ZNF236: variants seen among roughly 807,000 people sequenced by gnomAD.
ZNF236 encodes zinc finger protein 236, also known as regulated by glucose.
Under a neutral mutation model 191.2 loss-of-function variants are expected in ZNF236, and 50 were observed. That is an observed-to-expected ratio of 0.26 (90% CI 0.21 to 0.33). ZNF236 has a LOEUF of 0.33. Ranked by LOEUF, ZNF236 falls within the 10% of genes least tolerant of loss-of-function variation. The pLI is 1.00. For missense variants in ZNF236, 1,754 were observed against 2,374.5 expected (o/e 0.74, Z 5.43); for synonymous variants, 907 against 928.8 (o/e 0.98, Z 0.43).
intron 2 of ZNF236, among the ~76,000 whole-genome samples, chr18:76,851,217 A>ACGTTCAACACAAACCCATGT (rs1196977203): frequency 5.3e-5 from 8 of 150,766 alleles, no homozygotes; most frequent in Non-Finnish European, 1.0e-4. Context: ...GCATACTTAG[A>ACGTTCAACACAAACCCATGT]CGTTCAACAC....
chr18:76,846,332 AT>A (rs1178032115), intron 1 of ZNF236, among the ~76,000 whole-genome samples: 1 of 152,234 alleles, frequency 6.6e-6, no homozygotes, highest in Non-Finnish European at 1.5e-5. Context: ...TGAAGGCATG[AT>A]GGACCAAAGG....
At chr18:76,847,303 G>A (rs1350407203) in intron 1 of ZNF236, among the ~76,000 whole-genome samples, 1 of 152,000 alleles carries the variant, frequency 6.6e-6, no homozygotes, top group South Asian at 2.1e-4. Flanking sequence ...CAGCCTTTAG[G>A]TTAAAACACT....
intron 25 of ZNF236, among the ~76,000 whole-genome samples, chr18:76,930,387 G>A (rs1967814384): frequency 6.6e-6 from 1 of 152,174 alleles, no homozygotes; most frequent in African/African-American, 2.4e-5. Flanking sequence ...AATGTTTAAA[G>A]TATCTTGTCT....
chr18:76,862,259 G>A (rs1976261085), intron 3 of ZNF236, among the ~76,000 whole-genome samples: 1 of 152,200 alleles, frequency 6.6e-6, no homozygotes, highest in African/African-American at 2.4e-5. Context: ...TCCAAGAAAA[G>A]CTGGTTTCCC....
intron 11 of ZNF236, among the ~76,000 whole-genome samples, chr18:76,903,469 A>T (rs8091823): frequency 6.6e-6 from 1 of 152,008 alleles, no homozygotes; most frequent in Non-Finnish European, 1.5e-5. Flanking sequence ...CCGGAAAAAC[A>T]GAGTGTGTTC....
chr18:76,869,902 G>A (rs1182944509), intron 4 of ZNF236, among the ~76,000 whole-genome samples: 1 of 152,214 alleles, frequency 6.6e-6, no homozygotes, highest in Non-Finnish European at 1.5e-5. Context: ...GTTGCAGTGA[G>A]CCGAGATCGT....
intron 20 of ZNF236, among the ~76,000 whole-genome samples, chr18:76,922,152 G>C (rs1474105999): frequency 6.6e-6 from 1 of 152,056 alleles, no homozygotes; most frequent in Non-Finnish European, 1.5e-5. Context: ...TGTTGCATGG[G>C]GATACCAAAT....
Position 76,968,447 on chromosome 18 carries a change from T to C in ZNF236, c.*108T>C. 1 of 1,503,040 alleles carries C rather than the reference T, an allele frequency of 6.7e-7. No individual in the cohort carries two copies. 93.1% of individuals were successfully genotyped at this position (1,503,040 alleles called of 1,614,324 possible). A position where few individuals can be genotyped will look rare whatever the true frequency, so the allele number is the denominator to read the frequency against. ...GCTTCAAGTGTTAAAAATGCTACAATAGTTTTTTATCTATAAAATTATCTA... is the reference window on the plus strand; with the variant it reads ...GCTTCAAGTGTTAAAAATGCTACAACAGTTTTTTATCTATAAAATTATCTA... On this transcript the variant is annotated 3_prime_UTR_variant, in exon 31 of 31. Transcript: ENST00000320610.
intron 1 of ZNF236, among the ~76,000 whole-genome samples, chr18:76,830,243 ATTTATT>A (rs1327857484): frequency 2.0e-5 from 3 of 152,102 alleles, no homozygotes; most frequent in Non-Finnish European, 4.4e-5. Flanking sequence ...TTCATTCAAT[ATTTATT>A]TTTATGAGAT....
intron 25 of ZNF236, chr18:76,936,056 C>T (rs550717354): frequency 5.7e-5 from 26 of 457,054 alleles, no homozygotes; most frequent in East Asian, 2.8e-4. Context: ...AGAACTCCAG[C>T]GACAAGTAAG....
At chr18:76,931,932 G>A (rs942552969) in intron 25 of ZNF236, among the ~76,000 whole-genome samples, 2 of 152,122 alleles carry the variant, frequency 1.3e-5, no homozygotes, top group African/African-American at 4.8e-5. Context: ...CCAAAAGCTA[G>A]ACCTCTTTTC....
rs367880281 is a variant in ZNF236 at position 76,910,147 on chromosome 18, C to T, written c.2631C>T (p.Phe877=). 84 of 1,612,896 alleles carry T rather than the reference C, an allele frequency of 5.2e-5. No homozygotes were observed. Among genetic ancestry groups the T allele is most frequent in the South Asian group, 7.7e-5 (7 of 91,058 alleles). ...FEEQSPAQQS[F]EPAGLPQGFT... ...AGCAGAGCCCTGCGCAACAGTCCTT[C>T]GAACCAGCAGGGCTACCCCAAGGTC... The change falls in exon 15 of 31, where the codon TTC becomes TTT. Residue 877 remains phenylalanine (F), a synonymous_variant. Coordinates refer to ENST00000320610, the MANE Select transcript of ZNF236 (RefSeq NM_001306089.2).
intron 1 of ZNF236, among the ~76,000 whole-genome samples, 187 bp downstream of exon 1, chr18:76,822,849 G>T (rs1316507619): frequency 6.8e-6 from 1 of 146,926 alleles, no homozygotes; most frequent in Non-Finnish European, 1.5e-5. Flanking sequence ...TGATACGGGC[G>T]AGTCGCCGCC....
chr18:76,910,138 A>G lies in ZNF236; in HGVS notation c.2622A>G (p.Gln874=), dbSNP rs758743867. ...AGTTTGAAGAGCAGAGCCCTGCGCA[A>G]CAGTCCTTCGAACCAGCAGGGCTAC... ...VDQFEEQSPA[Q]QSFEPAGLPQ... Residue 874 remains glutamine (Q), a synonymous_variant, in exon 15 of 31, where the codon CAA becomes CAG. Coordinates refer to ENST00000320610, the MANE Select transcript of ZNF236 (RefSeq NM_001306089.2). 1.2e-6 allele frequency: 2 copies of G among 1,613,400 alleles called. No homozygotes were observed. The highest frequency in any genetic ancestry group is 1.1e-5 in the South Asian group (1 of 91,076).
At chr18:76,894,819 T>C (rs1977352387) in intron 9 of ZNF236, among the ~76,000 whole-genome samples, 194 bp from the exon 10 acceptor site, 1 of 152,138 alleles carries the variant, frequency 6.6e-6, no homozygotes, top group Non-Finnish European at 1.5e-5. Context: ...AGAGACTGAA[T>C]TGTGTTTTCC....
intron 26 of ZNF236, among the ~76,000 whole-genome samples, chr18:76,938,291 G>A (rs779977011): frequency 1.8e-4 from 28 of 152,198 alleles, no homozygotes; most frequent in Admixed American, 5.2e-4. Context: ...TCCGGGGGCT[G>A]AGGTGGGAGG....
intron 27 of ZNF236, among the ~76,000 whole-genome samples, chr18:76,950,057 T>A (rs1375469983): frequency 1.3e-5 from 2 of 152,134 alleles, no homozygotes; most frequent in African/African-American, 4.8e-5. Context: ...TTGTAATCTT[T>A]TTGCTGGTTG....
In ZNF236 at chr18:76,919,819, A is replaced by G. The variant is rs1279775778; in HGVS notation, c.3318A>G (p.Ala1106=). ...AGGAAGAACATTCTGACAGAAATGC[A>G]TCACGGAAGTCTCGTCCTGAGGTCA... The part of the protein sequence containing the change: ...EEEEEHSDRN[A]SRKSRPEVIT... The change falls in exon 20 of 31, where the codon GCA becomes GCG. Residue 1106 remains alanine, a synonymous_variant. Transcript: ENST00000320610. This position sits in a 1 kb window ranked among gnomAD's most constrained non-coding sequence, Gnocchi z 5.3. 4 of 1,614,256 alleles carry G rather than the reference A, an allele frequency of 2.5e-6. No homozygotes were observed. Among genetic ancestry groups the G allele is most frequent in the Admixed American group, 1.7e-5 (1 of 60,030 alleles).
In ZNF236 at chr18:76,937,313, G is replaced by A. The variant is rs1372995755; in HGVS notation, c.4752G>A (p.Leu1584=). The A allele has an allele frequency of 1.2e-6, 2 of 1,613,604 alleles. No individual in the cohort carries two copies. Reference sequence around the variant, plus strand: ...CTCAGGGTATGCTATCTGGAGGCCTGGACACTGTCACACTCAACATCACCT... The same window carrying A: ...CTCAGGGTATGCTATCTGGAGGCCTAGACACTGTCACACTCAACATCACCT... The part of the protein sequence containing the change: ...ADTQGMLSGG[L]DTVTLNITSQ... The change falls in exon 26 of 31, where the codon CTG becomes CTA. Residue 1584 remains leucine, a synonymous_variant. Coordinates refer to ENST00000320610, the MANE Select transcript of ZNF236 (RefSeq NM_001306089.2).
Sources: gnomAD v4.1 joint callset for allele counts (sites outside exome capture counted in the v4.1 genomes callset) on GRCh38, gnomAD v4.1.1 for gene constraint, Gnocchi (gnomAD v3.1) non-coding constraint, MANE v1.5 for transcripts, NCBI Gene and HGNC (gene_info 2026-07-23, HGNC 2026-07-21) for gene names.